The following VDR variants were observed in gnomAD, a reference collection of about 807,000 sequenced individuals.
The protein encoded by VDR is vitamin D3 receptor.
A neutral mutation model predicts 39.7 loss-of-function variants in VDR; 19 were observed. The ratio of observed to expected loss-of-function variants is 0.48; its 90% confidence interval spans 0.33 to 0.70. VDR has a LOEUF of 0.70. VDR is among the 30% of genes least tolerant of loss of function. The pLI is 0.02. For synonymous variants in VDR, 242 were observed against 215.8 expected, an observed-to-expected ratio of 1.12 and a Z score of -1.07; for missense variants, 442 against 570.5, an observed-to-expected ratio of 0.77 and a Z score of 2.29.
intron 3 of VDR, among the ~76,000 whole-genome samples, chr12:47,877,972 T>C (rs576185625): frequency 7.2e-5 from 11 of 152,300 alleles, no homozygotes; most frequent in Non-Finnish European, 8.8e-5. Flanking sequence ...GGAGCTTGTG[T>C]TGACAGAGAG....
At chr12:47,881,597 A>G (rs1306480829) in intron 2 of VDR, among the ~76,000 whole-genome samples, 2 of 152,138 alleles carry the variant, frequency 1.3e-5, no homozygotes, top group African/African-American at 4.8e-5. Context: ...TTGAGTAGTG[A>G]GCATATGGTA....
chr12:47,846,849 C>T (rs375516692), intron 7 of VDR, 41 bp from the exon 8 acceptor site: 34 of 1,611,738 alleles, frequency 2.1e-5, no homozygotes, highest in South Asian at 3.3e-5. Flanking sequence ...TACCAGTAAA[C>T]GCCTTCAAGC....
At chr12:47,893,592 G>C (rs969642549) in intron 1 of VDR, among the ~76,000 whole-genome samples, 3 of 152,212 alleles carry the variant, frequency 2.0e-5, no homozygotes, top group Non-Finnish European at 4.4e-5. Context: ...TAATTCCTCA[G>C]TCTGTCCAGG....
chr12:47,884,785 T>G (rs762470960), intron 1 of VDR, among the ~76,000 whole-genome samples: 4 of 152,020 alleles, frequency 2.6e-5, no homozygotes, highest in South Asian at 2.1e-4. Flanking sequence ...TGGGGATTGT[T>G]CTTTTCCTTC....
At chr12:47,853,312 G>A (rs377659986) in intron 7 of VDR, among the ~76,000 whole-genome samples, 109 of 151,878 alleles carry the variant, frequency 7.2e-4, no homozygotes, top group African/African-American at 2.4e-3. Context: ...GCGTAGTGGC[G>A]GGCGCCTGTC....
At chr12:47,896,964 T>C (rs1170651165) in intron 1 of VDR, 1 of 152,302 alleles carries the variant, frequency 6.6e-6, no homozygotes, top group Non-Finnish European at 1.5e-5. Flanking sequence ...GCTGCGTTTT[T>C]TCCAGCCCTC....
intron 1 of VDR, among the ~76,000 whole-genome samples, chr12:47,890,403 A>G (rs1946347329): frequency 6.7e-6 from 1 of 148,932 alleles, no homozygotes; most frequent in South Asian, 2.1e-4. Context: ...ATATAAATCT[A>G]ACACATAAAC....
chr12:47,845,141 G>A lies in VDR; in HGVS notation c.1025-136C>T, dbSNP rs1039082072. ...GCCACCCCTCTATGACTGCTGACCG[G>A]TGATACCACTGCCTGGCCCCAAAGC... On this transcript the variant is annotated intron_variant, in intron 9 of 9. Coordinates refer to ENST00000549336, the MANE Select transcript of VDR (RefSeq NM_000376.3). 8.0e-6 allele frequency: 11 copies of A among 1,367,790 alleles called. No homozygotes were observed. The African/African-American group carries it at 1.3e-4, about 16-fold the overall frequency. The allele number at this position is 1,367,790 out of a possible 1,614,324, so 84.7% of individuals were successfully genotyped here. A position where few individuals can be genotyped will look rare whatever the true frequency, so the allele number is the denominator to read the frequency against.
intron 6 of VDR, among the ~76,000 whole-genome samples, chr12:47,856,120 C>T (rs1945483016): frequency 6.6e-6 from 1 of 152,204 alleles, no homozygotes; most frequent in Admixed American, 6.5e-5. Flanking sequence ...AAATGTTCAA[C>T]CTTGCTAATG....
intron 1 of VDR, among the ~76,000 whole-genome samples, chr12:47,896,303 A>C (rs746032329): frequency 6.6e-6 from 1 of 152,208 alleles, no homozygotes; most frequent in Non-Finnish European, 1.5e-5. Flanking sequence ...AAGATGATTT[A>C]ATGACACAAA....
intron 7 of VDR, among the ~76,000 whole-genome samples, chr12:47,849,222 T>TATC (rs1319036836): frequency 6.6e-6 from 1 of 152,168 alleles, no homozygotes; most frequent in Non-Finnish European, 1.5e-5. Context: ...GAGAGTGTTG[T>TATC]ATCAATGGGT....
At chr12:47,892,174 G>C (rs530132166) in intron 1 of VDR, among the ~76,000 whole-genome samples, 2 of 152,352 alleles carry the variant, frequency 1.3e-5, no homozygotes, top group East Asian at 3.9e-4. Flanking sequence ...AGGATCCCCA[G>C]GGTCCTCTGA....
chr12:47,884,192 C>T (rs1213066731), intron 1 of VDR, among the ~76,000 whole-genome samples: 1 of 152,178 alleles, frequency 6.6e-6, no homozygotes. Flanking sequence ...TATCCTCAAT[C>T]CCTGTGGTTT....
At chr12:47,848,445 G>A (rs1318071120) in intron 7 of VDR, among the ~76,000 whole-genome samples, 1 of 151,298 alleles carries the variant, frequency 6.6e-6, no homozygotes, top group Non-Finnish European at 1.5e-5. Context: ...CGCACCTTCT[G>A]ACTCTTTAGC....
chr12:47,864,468 C>T (rs1271226629), intron 4 of VDR, among the ~76,000 whole-genome samples: 3 of 152,212 alleles, frequency 2.0e-5, no homozygotes, highest in South Asian at 2.1e-4. Context: ...CAGACTCTTT[C>T]CTCCTGGTCT....
chr12:47,890,916 C>G (rs936110692), intron 1 of VDR, among the ~76,000 whole-genome samples: 1 of 152,180 alleles, frequency 6.6e-6, no homozygotes, highest in Admixed American at 6.5e-5. Flanking sequence ...AGGGAGGGTG[C>G]TCCTGGGGAC....
intron 8 of VDR, 87 bp from the exon 9 acceptor site, chr12:47,846,538 C>A: frequency 6.4e-7 from 1 of 1,560,226 alleles, no homozygotes; most frequent in Non-Finnish European, 8.7e-7. Context: ...CCTCGCCCTT[C>A]TCTCCCTGTT....
In VDR at chr12:47,844,488, T is replaced by TCTGCCCC; in HGVS notation, c.*251_*257dup. On this transcript the variant is annotated 3_prime_UTR_variant, in exon 10 of 10. Coordinates refer to ENST00000549336, the MANE Select transcript of VDR (RefSeq NM_000376.3). ...AAGGCCCTGCCTCCAGCCTCTGCCC[T>TCTGCCCC]CTGCCCCCACTTGGGTTTCTTTGTC... The TCTGCCCC allele has an allele frequency of 1.7e-6, 1 of 594,198 alleles. No individual in the cohort carries two copies. Among genetic ancestry groups the TCTGCCCC allele is most frequent in the Non-Finnish European group, 3.0e-6 (1 of 334,802 alleles). 36.8% of individuals were successfully genotyped at this position (594,198 alleles called of 1,614,324 possible). A position where few individuals can be genotyped will look rare whatever the true frequency, so the allele number is the denominator to read the frequency against.
chr12:47,904,924 A>C (rs1592164221), intron 1 of VDR, 31 bp downstream of exon 1: 1 of 233,542 alleles, frequency 4.3e-6, no homozygotes, highest in Non-Finnish European at 8.4e-6. Flanking sequence ...CTATCCTGAG[A>C]CCCCCTTTCC....
Sources: allele counts gnomAD v4.1 joint callset (sites outside exome capture counted in the v4.1 genomes callset), GRCh38; gene constraint gnomAD v4.1.1; transcripts MANE v1.5; gene names NCBI Gene and HGNC (gene_info 2026-07-23, HGNC 2026-07-21).